VWA8: variants seen among roughly 807,000 people sequenced by gnomAD.
VWA8 encodes the protein von Willebrand factor A domain-containing protein 8.
Under a neutral mutation model 241.5 loss-of-function variants are expected in VWA8, and 221 were observed. The observed-to-expected ratio is 0.91, with a 90% CI of 0.82 to 1.02. The LOEUF (loss-of-function observed/expected upper bound fraction) is 1.02, where lower values mean the gene tolerates loss of function less well. VWA8 is among the 50% of genes least tolerant of loss of function. The probability of loss-of-function intolerance (pLI) is 0.00; values close to 1 mark genes in which losing one functional copy is unlikely to be tolerated. For missense variants in VWA8, 2,322 were observed against 2,328.7 expected (o/e 1.00, Z 0.06); for synonymous variants, 852 against 827.1 (o/e 1.03, Z -0.52).
chr13:41,866,697 C>T (rs1443767480), intron 10 of VWA8, among the ~76,000 whole-genome samples: 1 of 152,076 alleles, frequency 6.6e-6, no homozygotes, highest in Non-Finnish European at 1.5e-5. Context: ...AAAGATATTA[C>T]TACTGGAGAA....
chr13:41,651,728 A>G lies in VWA8; in HGVS notation c.4611+19218T>C, dbSNP rs531738350. Among the ~76,000 whole-genome samples the G allele has an allele frequency of 3.3e-5, 5 of 152,288 alleles. No homozygotes were observed. In the East Asian group the frequency reaches 9.6e-4, roughly 29 times the overall value. On this transcript the variant is annotated intron_variant, in intron 37 of 44. Coordinates refer to ENST00000379310, the MANE Select transcript of VWA8 (RefSeq NM_015058.2). The stretch of plus-strand genomic sequence containing the variant: ...CTGTTAAAGTTTTTTTTCCAAAAAA[A>G]TCTTAGTTTGTGGGCCTACAGAAAA...
At chr13:41,785,597 A>C (rs1337437612) in intron 18 of VWA8, among the ~76,000 whole-genome samples, 1 of 152,162 alleles carries the variant, frequency 6.6e-6, no homozygotes, top group Admixed American at 6.6e-5. Context: ...AGCTAAAAAT[A>C]ATTGTCATCC....
chr13:41,798,930 T>C (rs538629072), intron 17 of VWA8, among the ~76,000 whole-genome samples: 38 of 152,326 alleles, frequency 2.5e-4, no homozygotes, highest in Middle Eastern at 3.4e-3. Context: ...TGAATTTTGT[T>C]TGATGGTTTG....
chr13:41,686,353 T>C (rs889269910), intron 34 of VWA8, among the ~76,000 whole-genome samples: 6 of 152,284 alleles, frequency 3.9e-5, no homozygotes, highest in African/African-American at 1.2e-4. Context: ...AGTGTTTTTT[T>C]TATTTTAGCC....
At chr13:41,646,584 A>AT (rs547512679) in intron 37 of VWA8, among the ~76,000 whole-genome samples, 2,621 of 150,526 alleles carry the variant, frequency 0.017, 57 homozygotes, top group African/African-American at 0.051. Context: ...GGTTTATCAG[A>AT]TTTTTTTTTT....
chr13:41,872,440 G>A (rs1873675879), intron 9 of VWA8, among the ~76,000 whole-genome samples: 1 of 152,156 alleles, frequency 6.6e-6, no homozygotes, highest in Non-Finnish European at 1.5e-5. Context: ...ATGGTTTTAG[G>A]TCTAACGTTT....
intron 44 of VWA8, 68 bp downstream of exon 44, chr13:41,570,400 A>C: frequency 7.0e-7 from 1 of 1,421,596 alleles, no homozygotes; most frequent in Non-Finnish European, 9.8e-7. Context: ...TAAGCCTATA[A>C]AACAGCATGT....
intron 21 of VWA8, among the ~76,000 whole-genome samples, chr13:41,754,108 G>T (rs148833698): frequency 0.01 from 1,552 of 152,102 alleles, 29 homozygotes; most frequent in African/African-American, 0.036. Context: ...TTCAGTGTAT[G>T]TATTTTTTTT....
chr13:41,743,324 T>C (rs1312318023), intron 21 of VWA8, among the ~76,000 whole-genome samples: 3 of 152,214 alleles, frequency 2.0e-5, no homozygotes, highest in African/African-American at 7.2e-5. Flanking sequence ...ATGGACTGGT[T>C]CTCACTGCTA....
intron 16 of VWA8, among the ~76,000 whole-genome samples, chr13:41,814,460 G>A (rs1870603333): frequency 6.6e-6 from 1 of 151,932 alleles, no homozygotes; most frequent in Non-Finnish European, 1.5e-5. Flanking sequence ...AGTATAAGCG[G>A]TATTAGAAAA....
chr13:41,586,404 C>T (rs181157597), intron 42 of VWA8, among the ~76,000 whole-genome samples: 53 of 152,298 alleles, frequency 3.5e-4, no homozygotes, highest in African/African-American at 9.6e-4. Flanking sequence ...CTACTCCCCA[C>T]GGTGAAAGTC....
intron 21 of VWA8, among the ~76,000 whole-genome samples, chr13:41,754,631 A>G (rs957439605): frequency 6.6e-6 from 1 of 152,134 alleles, no homozygotes; most frequent in Non-Finnish European, 1.5e-5. Flanking sequence ...AGTTATTTTT[A>G]AATGTACAAT....
At chr13:41,800,179 T>C (rs868298966) in intron 17 of VWA8, among the ~76,000 whole-genome samples, 1 of 152,226 alleles carries the variant, frequency 6.6e-6, no homozygotes, top group South Asian at 2.1e-4. Flanking sequence ...TGTTGAGCAG[T>C]TGATAGTCAT....
At chr13:41,812,046 T>C (rs1870495952) in intron 16 of VWA8, among the ~76,000 whole-genome samples, 1 of 152,182 alleles carries the variant, frequency 6.6e-6, no homozygotes, top group Non-Finnish European at 1.5e-5. Context: ...TTAGCTGTGT[T>C]ACCTTGGCAA....
chr13:41,766,921 G>T (rs1443187852), intron 20 of VWA8, among the ~76,000 whole-genome samples: 2 of 152,144 alleles, frequency 1.3e-5, no homozygotes, highest in Non-Finnish European at 2.9e-5. Flanking sequence ...AAACACGTCT[G>T]GGAGCTCCCT....
At chr13:41,581,395 T>TGTG (rs1234994377) in intron 42 of VWA8, among the ~76,000 whole-genome samples, 1 of 152,230 alleles carries the variant, frequency 6.6e-6, no homozygotes, top group Admixed American at 6.5e-5. Context: ...GTACATTACA[T>TGTG]AATCCCTAAC....
intron 26 of VWA8, among the ~76,000 whole-genome samples, chr13:41,708,160 C>G (rs1321526085): frequency 6.6e-6 from 1 of 151,984 alleles, no homozygotes; most frequent in African/African-American, 2.4e-5. Flanking sequence ...GAGTTCGAGA[C>G]CAGCCTGACC....
At position 41,950,011 on chromosome 13, in the gene VWA8, C is replaced by T; in HGVS notation, c.166G>A (p.Asp56Asn). ...GATACATCTCCAATATTAACTGTAT[C>T]ACCTAAAAAGAGATTTTAAAAACAG... Reference protein sequence around the residue: ...LHAGSGADTGDTVNIGDVSYK... With the variant: ...LHAGSGADTGNTVNIGDVSYK... The change falls in exon 2 of 45, where the codon GAT (aspartate) becomes AAT (asparagine). Residue 56 changes from aspartate (D) to asparagine (N), a missense_variant and splice_region_variant. Transcript: ENST00000379310. The T allele has an allele frequency of 1.3e-6, 2 of 1,558,144 alleles. No homozygotes were observed. The highest frequency in any genetic ancestry group is 4.6e-5 in the East Asian group (2 of 43,416).
chr13:41,707,426 G>A (rs181410725), intron 26 of VWA8, among the ~76,000 whole-genome samples: 4 of 152,140 alleles, frequency 2.6e-5, no homozygotes, highest in Admixed American at 1.3e-4. Flanking sequence ...CAACAATTCC[G>A]AAAACATTTC....
Sources: allele counts gnomAD v4.1 joint callset (sites outside exome capture counted in the v4.1 genomes callset), GRCh38; gene constraint gnomAD v4.1.1; transcripts MANE v1.5; gene names NCBI Gene and HGNC (gene_info 2026-07-23, HGNC 2026-07-21).